PHF24: variants seen among roughly 807,000 people sequenced by gnomAD.
PHF24 encodes PHD finger protein 24, also known as Galpha inhibitory interacting protein.
A neutral mutation model predicts 42.6 loss-of-function variants in PHF24; 25 were observed. The observed-to-expected ratio is 0.59, with a 90% CI of 0.43 to 0.82. The LOEUF (loss-of-function observed/expected upper bound fraction) is 0.82, where lower values mean the gene tolerates loss of function less well. Ranked by LOEUF, PHF24 falls within the 40% of genes least tolerant of loss-of-function variation. The probability of loss-of-function intolerance (pLI) is 0.00; values close to 1 mark genes in which losing one functional copy is unlikely to be tolerated. For missense variants in PHF24, 470 were observed against 538.1 expected, an observed-to-expected ratio of 0.87 and a Z score of 1.25; for synonymous variants, 185 against 204.8, an observed-to-expected ratio of 0.90 and a Z score of 0.83.
At chr9:34,935,746 T>G in the PHF24 span, among the ~76,000 whole-genome samples, 5,504 of 146,194 alleles carry the variant, frequency 0.038, 150 homozygotes, top group Non-Finnish European at 0.05. Context: ...GGGGGGGGGG[T>G]GTGTGTGTGT....
the PHF24 span, among the ~76,000 whole-genome samples, chr9:34,762,074 A>G: frequency 6.6e-6 from 1 of 151,710 alleles, no homozygotes; most frequent in Non-Finnish European, 1.5e-5. Flanking sequence ...TATGTGCCAC[A>G]TTTTCTTAAT....
the PHF24 span, among the ~76,000 whole-genome samples, chr9:34,799,117 A>G: frequency 6.6e-6 from 1 of 152,154 alleles, no homozygotes; most frequent in African/African-American, 2.4e-5. Context: ...CCTTTGTAAG[A>G]CATACTTTAA....
At chr9:34,770,557 T>C in the PHF24 span, among the ~76,000 whole-genome samples, 46 of 152,274 alleles carry the variant, frequency 3.0e-4, no homozygotes, top group Admixed American at 1.5e-3. Context: ...ACAACAGCTT[T>C]TCAGAGGACC....
the PHF24 span, among the ~76,000 whole-genome samples, chr9:34,818,260 A>G: frequency 6.6e-6 from 1 of 152,168 alleles, no homozygotes; most frequent in Non-Finnish European, 1.5e-5. Flanking sequence ...TGTTCCTGAT[A>G]GTAGGGGAAA....
At chr9:34,751,173 T>C in the PHF24 span, among the ~76,000 whole-genome samples, 15 of 151,918 alleles carry the variant, frequency 9.9e-5, no homozygotes, top group African/African-American at 3.6e-4. Flanking sequence ...AAGACTAGCC[T>C]GGCCAACATG....
At chr9:34,846,113 C>T in the PHF24 span, among the ~76,000 whole-genome samples, 1 of 151,966 alleles carries the variant, frequency 6.6e-6, no homozygotes, top group African/African-American at 2.4e-5. Context: ...GGGTATATAC[C>T]CAGTAATGGG....
At chr9:34,712,737 T>A in the PHF24 span, among the ~76,000 whole-genome samples, 1 of 150,452 alleles carries the variant, frequency 6.6e-6, no homozygotes. Flanking sequence ...AAGACAGTTA[T>A]TTTTTTTTTC....
At chr9:34,757,069 C>A in the PHF24 span, among the ~76,000 whole-genome samples, 69 of 151,946 alleles carry the variant, frequency 4.5e-4, no homozygotes, top group African/African-American at 1.6e-3. Context: ...CACACTTAGG[C>A]ACTTTTTGTA....
chr9:34,721,462 TG>T, the PHF24 span, among the ~76,000 whole-genome samples: 1 of 151,650 alleles, frequency 6.6e-6, no homozygotes, highest in Non-Finnish European at 1.5e-5. Flanking sequence ...TCGCCCAGGC[TG>T]GAATGCAATG....
chr9:34,672,524 T>C, the PHF24 span, among the ~76,000 whole-genome samples: 1 of 152,126 alleles, frequency 6.6e-6, no homozygotes, highest in Admixed American at 6.6e-5. Context: ...GGCTGAGAAG[T>C]CCAAGATTGA....
chr9:34,969,137 G>C (rs901740894), intron 1 of PHF24, among the ~76,000 whole-genome samples: 1 of 152,224 alleles, frequency 6.6e-6, no homozygotes, highest in Non-Finnish European at 1.5e-5. Flanking sequence ...AGACCATGCA[G>C]GGCCTCACAG....
the PHF24 span, among the ~76,000 whole-genome samples, chr9:34,885,856 C>T: frequency 2.0e-5 from 3 of 151,666 alleles, no homozygotes; most frequent in African/African-American, 7.3e-5. Flanking sequence ...ACACTGCCAC[C>T]AACTGCTTGG....
At chr9:34,714,035 G>C in the PHF24 span, among the ~76,000 whole-genome samples, 78 of 152,052 alleles carry the variant, frequency 5.1e-4, no homozygotes, top group African/African-American at 1.7e-3. Context: ...GGGATAAAGA[G>C]GTGGTGTTTC....
At chr9:34,702,287 G>C in the PHF24 span, among the ~76,000 whole-genome samples, 1 of 152,226 alleles carries the variant, frequency 6.6e-6, no homozygotes, top group Admixed American at 6.5e-5. Flanking sequence ...GTAGCAGACA[G>C]AGGACTGCTG....
At chr9:34,728,129 G>C in the PHF24 span, 2 of 1,525,022 alleles carry the variant, frequency 1.3e-6, no homozygotes, top group African/African-American at 1.4e-5. Context: ...TAATTTCATA[G>C]GCATCCTATA....
chr9:34,787,464 A>G, the PHF24 span, among the ~76,000 whole-genome samples: 1 of 152,226 alleles, frequency 6.6e-6, no homozygotes, highest in African/African-American at 2.4e-5. Context: ...AACGAGGGCA[A>G]GAAGCCAAAC....
the PHF24 span, among the ~76,000 whole-genome samples, chr9:34,798,563 G>T: frequency 6.6e-6 from 1 of 152,200 alleles, no homozygotes; most frequent in Non-Finnish European, 1.5e-5. Flanking sequence ...TTTTATGGCT[G>T]CAGGGTATTC....
At chr9:34,819,659 G>T in the PHF24 span, among the ~76,000 whole-genome samples, 20 of 152,056 alleles carry the variant, frequency 1.3e-4, no homozygotes, top group Non-Finnish European at 2.1e-4. Context: ...TGTATTTAGA[G>T]AACATACTCT....
At chr9:34,975,139 T>C (rs1291648276) in intron 3 of PHF24, among the ~76,000 whole-genome samples, 1 of 152,176 alleles carries the variant, frequency 6.6e-6, no homozygotes, top group Non-Finnish European at 1.5e-5. Context: ...GGCTCCCTTT[T>C]GCCCTCAGAA....
Sources: allele counts gnomAD v4.1 joint callset (sites outside exome capture counted in the v4.1 genomes callset), GRCh38; gene constraint gnomAD v4.1.1; transcripts MANE v1.5; gene names NCBI Gene and HGNC (gene_info 2026-07-23, HGNC 2026-07-21).